Variants in CSMD3 observed in about 807,000 individuals in gnomAD.
CSMD3 encodes CUB and sushi domain-containing protein 3.
CSMD3 carries 177 observed loss-of-function variants against 435.2 expected under a neutral mutation model. The ratio of observed to expected loss-of-function variants is 0.41; its 90% CI spans 0.36 to 0.46. The LOEUF (loss-of-function observed/expected upper bound fraction) is 0.46, where lower values mean the gene tolerates loss of function less well. CSMD3 is among the 20% of genes least tolerant of loss of function. The pLI is 0.34. For missense variants in CSMD3, 4,265 were observed against 4,504.6 expected (o/e 0.95, Z 1.52); for synonymous variants, 1,656 against 1,520.5 (o/e 1.09, Z -2.07).
intron 10 of CSMD3, among the ~76,000 whole-genome samples, chr8:112,895,058 C>T (rs1390589554): frequency 6.6e-6 from 1 of 151,298 alleles, no homozygotes; most frequent in East Asian, 2.0e-4. Context: ...TCTTATTTGT[C>T]CCTTCATTTA....
At chr8:113,217,905 T>A (rs923973355) in intron 3 of CSMD3, among the ~76,000 whole-genome samples, 2 of 150,840 alleles carry the variant, frequency 1.3e-5, no homozygotes, top group Non-Finnish European at 3.0e-5. Flanking sequence ...CATAGGCACA[T>A]CATAGGAAAG....
At chr8:112,448,218 T>C (rs1236757382) in intron 32 of CSMD3, among the ~76,000 whole-genome samples, 2 of 152,170 alleles carry the variant, frequency 1.3e-5, no homozygotes, top group East Asian at 1.9e-4. Flanking sequence ...AGAGAGAACA[T>C]TGATGCCTCT....
intron 6 of CSMD3, among the ~76,000 whole-genome samples, chr8:112,982,740 GAT>G (rs1273865623): frequency 1.3e-5 from 2 of 151,854 alleles, no homozygotes; most frequent in African/African-American, 4.8e-5. Context: ...CTGAATATTT[GAT>G]ATATATGTGA....
intron 22 of CSMD3, among the ~76,000 whole-genome samples, chr8:112,636,335 T>C (rs2074656410): frequency 6.6e-6 from 1 of 152,100 alleles, no homozygotes; most frequent in Non-Finnish European, 1.5e-5. Flanking sequence ...TATTCTTCAT[T>C]TGGCACTTTC....
chr8:113,068,520 C>T (rs2088961350), intron 5 of CSMD3, among the ~76,000 whole-genome samples: 1 of 152,078 alleles, frequency 6.6e-6, no homozygotes, highest in Admixed American at 6.6e-5. Flanking sequence ...TTGTGGTAAA[C>T]ACACCTAGCC....
intron 4 of CSMD3, among the ~76,000 whole-genome samples, chr8:113,111,155 G>C (rs1251606362): frequency 6.6e-6 from 1 of 152,136 alleles, no homozygotes; most frequent in African/African-American, 2.4e-5. Flanking sequence ...AGACAGGATT[G>C]AAGTCATGGT....
chr8:112,245,107 A>C (rs1814594414), intron 64 of CSMD3, among the ~76,000 whole-genome samples: 1 of 152,072 alleles, frequency 6.6e-6, no homozygotes. Context: ...TTCCCAATAA[A>C]AGTACATTTT....
At chr8:112,740,696 G>T (rs2132052733) in intron 13 of CSMD3, among the ~76,000 whole-genome samples, 1 of 151,986 alleles carries the variant, frequency 6.6e-6, no homozygotes, top group African/African-American at 2.4e-5. Flanking sequence ...GAAAAGTTTG[G>T]TGAAGTGCTT....
At chr8:112,633,864 T>C (rs549489274) in intron 22 of CSMD3, among the ~76,000 whole-genome samples, 1 of 152,216 alleles carries the variant, frequency 6.6e-6, no homozygotes, top group East Asian at 1.9e-4. Flanking sequence ...ATTAGTTTCA[T>C]ACTTTGTATA....
intron 3 of CSMD3, among the ~76,000 whole-genome samples, chr8:113,202,482 A>C (rs2092725216): frequency 6.6e-6 from 1 of 152,122 alleles, no homozygotes; most frequent in Admixed American, 6.6e-5. Context: ...ACTCTGAAAA[A>C]GACTAGATGA....
intron 13 of CSMD3, among the ~76,000 whole-genome samples, chr8:112,748,889 G>C (rs1402948976): frequency 6.6e-6 from 1 of 152,022 alleles, no homozygotes; most frequent in East Asian, 1.9e-4. Context: ...TGGTAGTTCT[G>C]CTTTTAGCTC....
rs375743688 is a variant in CSMD3 at position 112,552,637 on chromosome 8, G to T, written c.4318C>A (p.Arg1440Ser). Residue 1440 changes from arginine to serine, a missense_variant, in exon 26 of 71, where the codon CGT (arginine) becomes AGT (serine). Transcript: ENST00000297405. ...GYPFPYDNNL[R>S]CMWMIEVDPG... is the part of the protein sequence containing the mutation. ...TCTACCTCAATCATCCACATGCAAC[G>T]CAGGTTATTGTCATATGGAAAAGGA... is the stretch of plus-strand genomic sequence containing the variant. 1 of 1,611,624 alleles carries T rather than the reference G, an allele frequency of 6.2e-7. No individual in the cohort carries two copies. Among genetic ancestry groups the T allele is most frequent in the Non-Finnish European group, 8.5e-7 (1 of 1,178,448 alleles).
intron 27 of CSMD3, among the ~76,000 whole-genome samples, chr8:112,539,720 C>A (rs148621805): frequency 6.6e-6 from 1 of 152,138 alleles, no homozygotes; most frequent in East Asian, 1.9e-4. Flanking sequence ...TAAAACTAGA[C>A]CCCTATCTCT....
chr8:113,231,335 G>C (rs1286541299), intron 3 of CSMD3, among the ~76,000 whole-genome samples: 1 of 150,968 alleles, frequency 6.6e-6, no homozygotes, highest in African/African-American at 2.4e-5. Context: ...GAAAATGTTG[G>C]GTCATGGATA....
intron 52 of CSMD3, among the ~76,000 whole-genome samples, chr8:112,303,883 G>T (rs538809567): frequency 6.6e-6 from 1 of 152,112 alleles, no homozygotes; most frequent in African/African-American, 2.4e-5. Flanking sequence ...TATAAATCAT[G>T]GGTCTCTATG....
intron 4 of CSMD3, among the ~76,000 whole-genome samples, chr8:113,159,515 C>T (rs1300626679): frequency 1.3e-5 from 2 of 151,814 alleles, no homozygotes; most frequent in African/African-American, 4.8e-5. Flanking sequence ...TCTCTCCTGC[C>T]CATCTGCATT....
intron 4 of CSMD3, among the ~76,000 whole-genome samples, chr8:113,101,292 C>T (rs977998210): frequency 6.6e-6 from 1 of 152,134 alleles, no homozygotes; most frequent in East Asian, 1.9e-4. Flanking sequence ...TTGAGATTGG[C>T]CTCTTGGACA....
At chr8:112,805,775 G>C (rs1273971663) in intron 12 of CSMD3, among the ~76,000 whole-genome samples, 2 of 152,098 alleles carry the variant, frequency 1.3e-5, no homozygotes, top group Non-Finnish European at 2.9e-5. Flanking sequence ...TACTTAGAAA[G>C]GAGTTCAGTA....
intron 1 of CSMD3, among the ~76,000 whole-genome samples, chr8:113,329,540 T>C (rs2094011126): frequency 6.6e-6 from 1 of 151,992 alleles, no homozygotes; most frequent in South Asian, 2.1e-4. Context: ...ATAATTGAAG[T>C]CCCAGAGAAG....
Sources: gnomAD v4.1 joint callset for allele counts (sites outside exome capture counted in the v4.1 genomes callset) on GRCh38, gnomAD v4.1.1 for gene constraint, MANE v1.5 for transcripts, NCBI Gene and HGNC (gene_info 2026-07-23, HGNC 2026-07-21) for gene names.